NAALADL2: variants seen among roughly 807,000 people sequenced by gnomAD.
The protein encoded by NAALADL2 is inactive N-acetylated-alpha-linked acidic dipeptidase-like protein 2.
NAALADL2 carries 76 observed loss-of-function variants against 87.2 expected under a neutral mutation model. The observed-to-expected ratio is 0.87, with a 90% CI of 0.72 to 1.05. The LOEUF (loss-of-function observed/expected upper bound fraction) is 1.05, where lower values mean the gene tolerates loss of function less well. Among genes scored for constraint, NAALADL2 ranks in the 50% least tolerant of loss-of-function variants. NAALADL2 has a pLI of 0.00. For missense variants in NAALADL2, 1,089 were observed against 945.8 expected (o/e 1.15, Z -1.99); for synonymous variants, 354 against 331.0 (o/e 1.07, Z -0.75).
At chr3:175,686,094 T>A (rs1203940919) in intron 11 of NAALADL2, among the ~76,000 whole-genome samples, 1 of 152,202 alleles carries the variant, frequency 6.6e-6, no homozygotes. Context: ...TTCTTAAATG[T>A]CTAATGGTTC....
chr3:174,936,287 A>G (rs1206483125), intron 1 of NAALADL2, among the ~76,000 whole-genome samples: 1 of 152,106 alleles, frequency 6.6e-6, no homozygotes. Context: ...AGGGGAATTT[A>G]AAGTATTATT....
intron 3 of NAALADL2, among the ~76,000 whole-genome samples, chr3:174,815,830 G>GTT (rs10589968): frequency 0.02 from 2,302 of 114,888 alleles, 111 homozygotes; most frequent in South Asian, 0.042. Flanking sequence ...TTTGACTTTA[G>GTT]TTTTTTTTTT....
chr3:174,555,138 A>T (rs1712599919), intron 2 of NAALADL2, among the ~76,000 whole-genome samples: 1 of 152,224 alleles, frequency 6.6e-6, no homozygotes, highest in Admixed American at 6.5e-5. Context: ...TATTCAGACC[A>T]TAGCAGGGAG....
intron 1 of NAALADL2, among the ~76,000 whole-genome samples, chr3:175,029,049 TTATA>T (rs57707474): frequency 1.4e-5 from 2 of 141,330 alleles, no homozygotes; most frequent in Admixed American, 1.4e-4. Context: ...TATATTAAAA[TTATA>T]TATATATATA....
chr3:174,648,339 G>GA (rs74271142), intron 2 of NAALADL2, among the ~76,000 whole-genome samples: 33,071 of 131,672 alleles, frequency 0.25, 3,680 homozygotes, highest in South Asian at 0.3. Context: ...CCACCAAAAA[G>GA]AAAAAAAAAA....
chr3:175,430,666 T>C (rs1717596092), intron 5 of NAALADL2, among the ~76,000 whole-genome samples: 1 of 152,016 alleles, frequency 6.6e-6, no homozygotes, highest in Non-Finnish European at 1.5e-5. Context: ...ATTTCTTCTC[T>C]CAGTTTTTCC....
At chr3:174,489,986 A>T (rs1718082650) in intron 1 of NAALADL2, among the ~76,000 whole-genome samples, 1 of 152,110 alleles carries the variant, frequency 6.6e-6, no homozygotes, top group African/African-American at 2.4e-5. Context: ...TTTGGAAAAC[A>T]GTTGGGCAAT....
intron 3 of NAALADL2, among the ~76,000 whole-genome samples, chr3:174,851,993 T>C (rs968056833): frequency 6.6e-6 from 1 of 152,110 alleles, no homozygotes; most frequent in African/African-American, 2.4e-5. Flanking sequence ...ATCCTTTCAA[T>C]AGATACCCAA....
chr3:175,709,381 C>A (rs574620931), intron 11 of NAALADL2, among the ~76,000 whole-genome samples: 9 of 151,998 alleles, frequency 5.9e-5, no homozygotes, highest in African/African-American at 2.2e-4. Flanking sequence ...TACTCCAAAG[C>A]CAAAGGTGAG....
intron 11 of NAALADL2, among the ~76,000 whole-genome samples, chr3:175,708,909 A>G (rs138066712): frequency 1.7e-3 from 259 of 152,202 alleles, no homozygotes; most frequent in African/African-American, 5.8e-3. Context: ...ACAGATATCA[A>G]TGGAAAACTA....
At position 175,383,105 on chromosome 3, in the gene NAALADL2, G is replaced by T. The variant is rs549227619; in HGVS notation, c.1090+58780G>T. ...GGGTATATGTGATATTTTGATACAA[G>T]CATACAATGTGTAATGATCACATAA... On this transcript the variant is annotated intron_variant, in intron 5 of 13. Transcript: ENST00000454872. 2.0e-5 allele frequency among the ~76,000 whole-genome samples: 3 copies of T among 151,996 alleles called. No homozygotes were observed. The South Asian group carries it at 6.2e-4, about 32-fold the overall frequency.
intron 2 of NAALADL2, among the ~76,000 whole-genome samples, chr3:175,179,338 C>A (rs1243890608): frequency 2.0e-5 from 3 of 151,730 alleles, no homozygotes; most frequent in Non-Finnish European, 2.9e-5. Flanking sequence ...TAAATGATTC[C>A]TAGTGAGTTA....
At chr3:175,401,155 T>A (rs1357439036) in intron 5 of NAALADL2, among the ~76,000 whole-genome samples, 2 of 151,980 alleles carry the variant, frequency 1.3e-5, no homozygotes, top group East Asian at 3.9e-4. Flanking sequence ...GAAGGCCAGG[T>A]GGGGTTGAAG....
At chr3:175,106,108 C>T (rs1259634681) in intron 2 of NAALADL2, among the ~76,000 whole-genome samples, 1 of 152,006 alleles carries the variant, frequency 6.6e-6, no homozygotes, top group East Asian at 1.9e-4. Flanking sequence ...TTCACACATG[C>T]ACACAAATTA....
chr3:174,851,015 T>C (rs921206536), intron 3 of NAALADL2, among the ~76,000 whole-genome samples: 3 of 152,098 alleles, frequency 2.0e-5, no homozygotes, highest in African/African-American at 4.8e-5. Context: ...GAATGACCAC[T>C]GGGTCATTGG....
chr3:174,882,059 G>A (rs377543708), intron 1 of NAALADL2, among the ~76,000 whole-genome samples: 5 of 152,096 alleles, frequency 3.3e-5, no homozygotes, highest in African/African-American at 1.2e-4. Context: ...AATAGTTTTT[G>A]AGAATAAGTC....
At chr3:174,732,779 A>T (rs1732829254) in intron 2 of NAALADL2, among the ~76,000 whole-genome samples, 1 of 152,196 alleles carries the variant, frequency 6.6e-6, no homozygotes, top group South Asian at 2.1e-4. Context: ...ATCCTGTATA[A>T]GTTAATAGAA....
At chr3:174,955,531 T>C (rs1016074270) in intron 1 of NAALADL2, among the ~76,000 whole-genome samples, 3 of 152,078 alleles carry the variant, frequency 2.0e-5, no homozygotes, top group Non-Finnish European at 4.4e-5. Context: ...TCACAAATGA[T>C]GATACCTCTC....
At chr3:175,051,636 G>A (rs546141570) in intron 1 of NAALADL2, among the ~76,000 whole-genome samples, 30 of 152,292 alleles carry the variant, frequency 2.0e-4, no homozygotes, top group African/African-American at 7.0e-4. Context: ...CTAACCATGG[G>A]CGCAACATCC....
Sources: gnomAD v4.1 joint callset for allele counts (sites outside exome capture counted in the v4.1 genomes callset) on GRCh38, gnomAD v4.1.1 for gene constraint, MANE v1.5 for transcripts, NCBI Gene and HGNC (gene_info 2026-07-23, HGNC 2026-07-21) for gene names.